Variants in CDH13 observed in about 807,000 individuals in gnomAD.
CDH13 encodes the protein cadherin-13.
Under a neutral mutation model 63.8 loss-of-function variants are expected in CDH13, and 24 were observed. The ratio of observed to expected loss-of-function variants is 0.38; its 90% CI spans 0.27 to 0.53. CDH13 has a LOEUF of 0.53. Ranked by LOEUF, CDH13 falls within the 20% of genes least tolerant of loss-of-function variation. The pLI, the probability that CDH13 is intolerant of heterozygous loss-of-function variation, is 0.85. For missense variants in CDH13, 1,049 were observed against 903.1 expected (o/e 1.16, Z -2.07); for synonymous variants, 503 against 355.3 (o/e 1.42, Z -4.67).
chr16:83,467,584 G>A (rs1169307771), intron 6 of CDH13, among the ~76,000 whole-genome samples: 3 of 152,304 alleles, frequency 2.0e-5, no homozygotes, highest in South Asian at 2.1e-4. Flanking sequence ...CTTCCTCCAC[G>A]GAGTTGGTTC....
intron 10 of CDH13, among the ~76,000 whole-genome samples, chr16:83,696,184 A>G (rs77253025): frequency 0.012 from 1,793 of 152,232 alleles, 39 homozygotes; most frequent in African/African-American, 0.041. Context: ...AGCCACCACA[A>G]CTGGCCTCAA....
chr16:83,245,989 G>C (rs1242500734), intron 5 of CDH13, among the ~76,000 whole-genome samples: 4 of 152,134 alleles, frequency 2.6e-5, no homozygotes, highest in African/African-American at 9.7e-5. Flanking sequence ...CACCTGCCTT[G>C]GCCTCCCAAA....
intron 1 of CDH13, among the ~76,000 whole-genome samples, chr16:82,662,415 A>C (rs377761609): frequency 6.6e-6 from 1 of 152,378 alleles, no homozygotes; most frequent in South Asian, 2.1e-4. Flanking sequence ...GTAATTAAAA[A>C]GAGATTTATG....
intron 1 of CDH13, among the ~76,000 whole-genome samples, chr16:82,807,558 C>CA (rs1362148633): frequency 2.0e-5 from 2 of 102,430 alleles, no homozygotes; most frequent in African/African-American, 5.4e-5. Context: ...GTAAAAATGA[C>CA]ACCATGTCTT....
intron 2 of CDH13, among the ~76,000 whole-genome samples, chr16:82,875,922 C>T (rs1042752354): frequency 6.6e-5 from 10 of 152,178 alleles, no homozygotes; most frequent in African/African-American, 2.2e-4. Flanking sequence ...CTTACAGTTC[C>T]ACATGAGTGG....
chr16:83,282,546 A>G (rs1217735684), intron 5 of CDH13, among the ~76,000 whole-genome samples: 3 of 152,212 alleles, frequency 2.0e-5, no homozygotes, highest in African/African-American at 7.2e-5. Flanking sequence ...ACCCCTGTCT[A>G]TTTGGGAGAT....
At chr16:82,983,284 A>G (rs148584089) in intron 2 of CDH13, among the ~76,000 whole-genome samples, 373 of 152,088 alleles carry the variant, frequency 2.5e-3, no homozygotes, top group Middle Eastern at 6.8e-3. Flanking sequence ...TCAGATTTTC[A>G]TCTCAGTTTG....
At chr16:82,642,667 C>A (rs1212286437) in intron 1 of CDH13, among the ~76,000 whole-genome samples, 1 of 152,150 alleles carries the variant, frequency 6.6e-6, no homozygotes, top group Non-Finnish European at 1.5e-5. Flanking sequence ...ATTCCCACTA[C>A]CAGTCAGATG....
chr16:83,108,667 G>A (rs1433609678), intron 3 of CDH13, among the ~76,000 whole-genome samples: 1 of 152,196 alleles, frequency 6.6e-6, no homozygotes, highest in Non-Finnish European at 1.5e-5. Flanking sequence ...TCAGCCTTCA[G>A]GCTATTTTAG....
chr16:83,660,039 G>A (rs1013321847), intron 8 of CDH13, among the ~76,000 whole-genome samples: 7 of 151,834 alleles, frequency 4.6e-5, no homozygotes, highest in Non-Finnish European at 8.8e-5. Flanking sequence ...CTCCTGCCTC[G>A]GCCTCCCAAA....
At chr16:83,689,878 C>T (rs1904673434) in intron 10 of CDH13, among the ~76,000 whole-genome samples, 1 of 152,102 alleles carries the variant, frequency 6.6e-6, no homozygotes, top group Admixed American at 6.6e-5. Flanking sequence ...ATAAAGTAGC[C>T]CCAGAAACAA....
intron 1 of CDH13, among the ~76,000 whole-genome samples, 172 bp downstream of exon 1, chr16:82,627,309 C>G (rs1907406718): frequency 6.6e-6 from 1 of 151,326 alleles, no homozygotes; most frequent in African/African-American, 2.4e-5. Flanking sequence ...CTAGGCACCC[C>G]CCACACACAG....
At chr16:82,827,028 C>T (rs1235947045) in intron 1 of CDH13, among the ~76,000 whole-genome samples, 1 of 152,190 alleles carries the variant, frequency 6.6e-6, no homozygotes, top group Non-Finnish European at 1.5e-5. Context: ...TTTTGCTTAT[C>T]CTCTGCCTGA....
At chr16:83,580,651 T>C (rs768345873) in intron 7 of CDH13, among the ~76,000 whole-genome samples, 4 of 151,992 alleles carry the variant, frequency 2.6e-5, no homozygotes, top group Non-Finnish European at 5.9e-5. Context: ...TGCGCTACCA[T>C]GCCCTGGCTT....
chr16:82,901,439 G>T (rs1025098456), intron 2 of CDH13, among the ~76,000 whole-genome samples: 5 of 151,320 alleles, frequency 3.3e-5, no homozygotes, highest in African/African-American at 9.7e-5. Flanking sequence ...TCATCTAGGA[G>T]ACCTGACAAA....
At chr16:82,655,596 G>C (rs955039534) in intron 1 of CDH13, among the ~76,000 whole-genome samples, 1 of 152,162 alleles carries the variant, frequency 6.6e-6, no homozygotes, top group Non-Finnish European at 1.5e-5. Flanking sequence ...TGGTGGGGTT[G>C]GGGGAGGGCA....
At chr16:83,293,445 T>A (rs1054481421) in intron 5 of CDH13, among the ~76,000 whole-genome samples, 6 of 152,142 alleles carry the variant, frequency 3.9e-5, no homozygotes, top group African/African-American at 1.4e-4. Flanking sequence ...AGCTGTCATC[T>A]GGGAAAGGTC....
At chr16:83,604,049 C>T (rs1001927314) in intron 8 of CDH13, among the ~76,000 whole-genome samples, 6 of 152,094 alleles carry the variant, frequency 3.9e-5, no homozygotes, top group Admixed American at 3.9e-4. Context: ...GTGATCCAGT[C>T]ACCTCCCACC....
chr16:83,555,190 C>G (rs924114023), intron 7 of CDH13, among the ~76,000 whole-genome samples: 1 of 152,132 alleles, frequency 6.6e-6, no homozygotes, highest in Non-Finnish European at 1.5e-5. Flanking sequence ...TGCAGAGTGA[C>G]AAGTTGATAT....
Sources: allele counts gnomAD v4.1 joint callset (sites outside exome capture counted in the v4.1 genomes callset), GRCh38; gene constraint gnomAD v4.1.1; transcripts MANE v1.5; gene names NCBI Gene and HGNC (gene_info 2026-07-23, HGNC 2026-07-21).